Variants in DCAF10 observed in about 807,000 individuals in gnomAD.
DCAF10 encodes DDB1- and CUL4-associated factor 10.
In DCAF10, 19 loss-of-function variants were observed where a neutral mutation model predicts 51.9. The ratio of observed to expected loss-of-function variants is 0.37; its 90% CI spans 0.26 to 0.54. The LOEUF is 0.54. Ranked by LOEUF, DCAF10 falls within the 20% of genes least tolerant of loss-of-function variation. DCAF10 has a pLI of 0.87. For synonymous variants in DCAF10, 291 were observed against 297.1 expected (o/e 0.98, Z 0.21); for missense variants, 510 against 730.6 (o/e 0.70, Z 3.48).
Position 37,800,808 on chromosome 9 carries a change from G to GT in DCAF10, c.-59_-58insT, listed in dbSNP as rs1828893838. On this transcript the variant is annotated 5_prime_UTR_variant, in exon 1 of 7. Coordinates refer to ENST00000377724, the MANE Select transcript of DCAF10 (RefSeq NM_024345.5). ...ACGCCGGAAGTGGCAGCTGAACAGG[G>GT]GCACTGAGGTGTCGGCCGGCGGGGC... 1.3e-6 allele frequency: 2 copies of GT among 1,499,922 alleles called. No homozygotes were observed. Among genetic ancestry groups the GT allele is most frequent in the African/African-American group, 2.8e-5 (2 of 72,086 alleles). 92.9% of individuals were successfully genotyped at this position (1,499,922 alleles called of 1,614,324 possible). A position where few individuals can be genotyped will look rare whatever the true frequency, so the allele number is the denominator to read the frequency against.
intron 3 of DCAF10, among the ~76,000 whole-genome samples, chr9:37,852,257 G>A (rs1032376789): frequency 2.0e-5 from 3 of 152,096 alleles, no homozygotes; most frequent in Non-Finnish European, 2.9e-5. Context: ...ATATTCAGAA[G>A]GAAACAACGA....
intron 2 of DCAF10, among the ~76,000 whole-genome samples, chr9:37,820,049 A>G (rs1306255543): frequency 6.6e-6 from 1 of 152,244 alleles, no homozygotes; most frequent in African/African-American, 2.4e-5. Flanking sequence ...TTCTAACAGT[A>G]GTTAAAATGG....
chr9:37,826,760 C>T (rs1000852780), intron 2 of DCAF10, among the ~76,000 whole-genome samples: 2 of 150,980 alleles, frequency 1.3e-5, no homozygotes, highest in Non-Finnish European at 2.9e-5. Flanking sequence ...TAGTAAGAAG[C>T]AGAATATGTA....
intron 5 of DCAF10, among the ~76,000 whole-genome samples, chr9:37,859,734 G>A (rs2296208): frequency 0.13 from 19,470 of 152,120 alleles, 1,412 homozygotes; most frequent in Non-Finnish European, 0.16. Flanking sequence ...CTTAAATAAA[G>A]AGCTTTCTGA....
intron 2 of DCAF10, among the ~76,000 whole-genome samples, chr9:37,837,457 CAAAAAAAAAAA>C (rs555983041): frequency 3.5e-5 from 3 of 85,680 alleles, no homozygotes; most frequent in Non-Finnish European, 7.9e-5. Context: ...GACTCCATCT[CAAAAAAAAAAA>C]AAAAAAAGAA....
chr9:37,804,658 C>A (rs1342551707), intron 1 of DCAF10, among the ~76,000 whole-genome samples: 1 of 151,894 alleles, frequency 6.6e-6, no homozygotes, highest in East Asian at 1.9e-4. Context: ...TGCCTGTAAT[C>A]CCAGCTACTC....
At chr9:37,856,439 C>A (rs1043139815) in intron 4 of DCAF10, among the ~76,000 whole-genome samples, 2 of 150,998 alleles carry the variant, frequency 1.3e-5, no homozygotes, top group African/African-American at 4.9e-5. Context: ...TATTTCAACT[C>A]AAAAACCAAC....
At position 37,864,711 on chromosome 9, in the gene DCAF10, C is replaced by T. The variant is rs887270143; in HGVS notation, c.*3203C>T. 5 of 152,100 alleles carry T rather than the reference C, an allele frequency of 3.3e-5. No individual in the cohort carries two copies. The highest frequency in any genetic ancestry group is 7.2e-5 in the African/African-American group (3 of 41,426). 9.4% of individuals were successfully genotyped at this position (152,100 alleles called of 1,614,324 possible). A position where few individuals can be genotyped will look rare whatever the true frequency, so the allele number is the denominator to read the frequency against. ...GACATTCAAAAGAAGTTTCATAAAT[C>T]GTATCAACTCTGGAAAGAGTTCATG... On this transcript the variant is annotated 3_prime_UTR_variant, in exon 7 of 7. Coordinates refer to ENST00000377724, the MANE Select transcript of DCAF10 (RefSeq NM_024345.5).
chr9:37,819,492 T>C, intron 2 of DCAF10, 91 bp downstream of exon 2: 1 of 808,052 alleles, frequency 1.2e-6, no homozygotes, highest in Non-Finnish European at 2.0e-6. Flanking sequence ...TTTAATGCCT[T>C]ATCCAGCACT....
In DCAF10 at chr9:37,801,462, G is replaced by T. The variant is rs574334180; in HGVS notation, c.539+57G>T. 5 of 1,364,490 alleles carry T rather than the reference G, an allele frequency of 3.7e-6. No individual in the cohort carries two copies. The highest frequency in any genetic ancestry group is 4.7e-6 in the Non-Finnish European group (5 of 1,057,732). 84.5% of individuals were successfully genotyped at this position (1,364,490 alleles called of 1,614,324 possible). A position where few individuals can be genotyped will look rare whatever the true frequency, so the allele number is the denominator to read the frequency against. On this transcript the variant is annotated intron_variant, in intron 1 of 6. Coordinates refer to ENST00000377724, the MANE Select transcript of DCAF10 (RefSeq NM_024345.5). The surrounding 1 kb of genome is among the most constrained non-coding windows in gnomAD (Gnocchi z 5.5). The stretch of plus-strand genomic sequence containing the variant: ...GCCTCCGCCCGGCTCTGCTGCCAGC[G>T]GACGGCCGTCCTGGGCTCGCTCCCC...
upstream of DCAF10, chr9:37,800,667 C>T: frequency 6.5e-7 from 1 of 1,536,010 alleles, no homozygotes. Context: ...CGCTCCCTAC[C>T]TCCGTTCCCG....
At chr9:37,815,351 A>C (rs1283996179) in intron 1 of DCAF10, among the ~76,000 whole-genome samples, 1 of 152,240 alleles carries the variant, frequency 6.6e-6, no homozygotes, top group Non-Finnish European at 1.5e-5. Context: ...CAGGTTTTTA[A>C]AAAGAAGAAC....
At chr9:37,841,099 T>C (rs988580046) in intron 2 of DCAF10, among the ~76,000 whole-genome samples, 1 of 152,184 alleles carries the variant, frequency 6.6e-6, no homozygotes, top group Non-Finnish European at 1.5e-5. Flanking sequence ...ATGTATTCCA[T>C]CATTAAGTGA....
chr9:37,819,466 A>G (rs1589085247), intron 2 of DCAF10, 65 bp downstream of exon 2: 1 of 1,244,420 alleles, frequency 8.0e-7, no homozygotes, highest in Non-Finnish European at 1.1e-6. Context: ...TTTGGAAGTT[A>G]GTGAAAATGA....
chr9:37,823,622 T>C (rs564388292), intron 2 of DCAF10, among the ~76,000 whole-genome samples: 28 of 151,822 alleles, frequency 1.8e-4, no homozygotes, highest in Middle Eastern at 3.4e-3. Flanking sequence ...TAAAACAAAA[T>C]AAAAACTAAA....
At chr9:37,824,530 C>A (rs1829797727) in intron 2 of DCAF10, among the ~76,000 whole-genome samples, 2 of 145,780 alleles carry the variant, frequency 1.4e-5, no homozygotes, top group Admixed American at 6.9e-5. Flanking sequence ...TTAATCAGTT[C>A]AGTAAAAGGA....
intron 3 of DCAF10, among the ~76,000 whole-genome samples, chr9:37,852,385 C>G (rs1830681118): frequency 6.6e-6 from 1 of 152,096 alleles, no homozygotes; most frequent in African/African-American, 2.4e-5. Context: ...TCACTTGAGA[C>G]CAGGAGTTCC....
intron 2 of DCAF10, among the ~76,000 whole-genome samples, chr9:37,830,410 T>A (rs1829972425): frequency 6.6e-6 from 1 of 152,226 alleles, no homozygotes; most frequent in South Asian, 2.1e-4. Flanking sequence ...ATTAAACATT[T>A]ACAGAGAAAA....
chr9:37,841,728 C>T (rs909469477), intron 2 of DCAF10, among the ~76,000 whole-genome samples: 1 of 152,186 alleles, frequency 6.6e-6, no homozygotes, highest in South Asian at 2.1e-4. Context: ...AAAACTTCCT[C>T]TATCGCCTAT....
Sources: allele counts gnomAD v4.1 joint callset (sites outside exome capture counted in the v4.1 genomes callset), GRCh38; gene constraint gnomAD v4.1.1; non-coding constraint Gnocchi (gnomAD v3.1); transcripts MANE v1.5; gene names NCBI Gene and HGNC (gene_info 2026-07-23, HGNC 2026-07-21).